Variants in ADIPOR2 observed in about 807,000 individuals in gnomAD.
The protein encoded by ADIPOR2 is adiponectin receptor 2, also known as adiponectin receptor protein 2.
ADIPOR2 carries 18 observed loss-of-function variants against 40.9 expected under a neutral mutation model. That is an observed-to-expected ratio of 0.44 (90% confidence interval 0.30 to 0.65). ADIPOR2 has a LOEUF of 0.65. Among genes scored for constraint, ADIPOR2 ranks in the 30% least tolerant of loss-of-function variants. The pLI, the probability that ADIPOR2 is intolerant of heterozygous loss-of-function variation, is 0.09. For synonymous variants in ADIPOR2, 165 were observed against 166.4 expected, an observed-to-expected ratio of 0.99 and a Z score of 0.06; for missense variants, 283 against 479.2, an observed-to-expected ratio of 0.59 and a Z score of 3.82.
chr12:1,743,314 A>G (rs1426116123), intron 1 of ADIPOR2, among the ~76,000 whole-genome samples: 1 of 149,534 alleles, frequency 6.7e-6, no homozygotes, highest in Non-Finnish European at 1.5e-5. Context: ...GCTGTCTAAA[A>G]AAAAAAAAAA....
In ADIPOR2 at chr12:1,785,908, T is replaced by A. The variant is rs1862821011; in HGVS notation, c.1033-36T>A. On this transcript the variant is annotated intron_variant, in intron 7 of 7. Transcript: ENST00000357103. ...TTTAGCAGTCTTAATAATGTATGGGTTTCTCTACCCCCTTCTCTTCTTTTT... is the reference window on the plus strand; with the variant it reads ...TTTAGCAGTCTTAATAATGTATGGGATTCTCTACCCCCTTCTCTTCTTTTT... 1.9e-6 allele frequency: 3 copies of A among 1,610,838 alleles called. No individual in the cohort carries two copies. The African/African-American group carries it at 4.0e-5, about 22-fold the overall frequency.
chr12:1,752,892 A>C (rs1862030845), intron 1 of ADIPOR2, among the ~76,000 whole-genome samples: 1 of 152,230 alleles, frequency 6.6e-6, no homozygotes, highest in Non-Finnish European at 1.5e-5. Context: ...GGGCATTAAT[A>C]ACATAATTTA....
intron 1 of ADIPOR2, among the ~76,000 whole-genome samples, chr12:1,720,990 GC>G (rs2094696756): frequency 2.6e-5 from 4 of 152,064 alleles, no homozygotes; most frequent in Non-Finnish European, 5.9e-5. Flanking sequence ...TAACCTGGAA[GC>G]TCCCTCCCTG....
intron 1 of ADIPOR2, among the ~76,000 whole-genome samples, chr12:1,712,848 C>T (rs2094680347): frequency 6.6e-6 from 1 of 152,074 alleles, no homozygotes; most frequent in South Asian, 2.1e-4. Context: ...TGCTGAGGGC[C>T]CTGGTTCCTC....
At chr12:1,754,627 T>C in intron 2 of ADIPOR2, 113 bp downstream of exon 2, 1 of 1,065,378 alleles carries the variant, frequency 9.4e-7, no homozygotes, top group Non-Finnish European at 1.3e-6. Context: ...GATGGGGTGG[T>C]AAGAAGGAAA....
intron 2 of ADIPOR2, among the ~76,000 whole-genome samples, chr12:1,765,734 C>A (rs1862363375): frequency 1.3e-5 from 2 of 151,708 alleles, no homozygotes; most frequent in African/African-American, 4.8e-5. Flanking sequence ...CTTTTTTTTC[C>A]CCCTTTTTTC....
At chr12:1,704,625 C>T (rs535347531) in intron 1 of ADIPOR2, among the ~76,000 whole-genome samples, 17 of 152,256 alleles carry the variant, frequency 1.1e-4, no homozygotes, top group African/African-American at 4.1e-4. Context: ...CATATACTAA[C>T]GTTTGAGACT....
intron 1 of ADIPOR2, among the ~76,000 whole-genome samples, chr12:1,735,227 G>A (rs2154442700): frequency 6.6e-6 from 1 of 152,330 alleles, no homozygotes; most frequent in African/African-American, 2.4e-5. Context: ...CTACCCATGA[G>A]CATGGAATGT....
chr12:1,731,477 C>T (rs777076146), intron 1 of ADIPOR2, among the ~76,000 whole-genome samples: 7 of 152,164 alleles, frequency 4.6e-5, no homozygotes, highest in Non-Finnish European at 8.8e-5. Context: ...TGATCCCAAT[C>T]AGAAACTATG....
chr12:1,726,945 G>A (rs190888089), intron 1 of ADIPOR2, among the ~76,000 whole-genome samples: 25 of 152,186 alleles, frequency 1.6e-4, no homozygotes, highest in East Asian at 3.9e-4. Flanking sequence ...ACCCTGAGTC[G>A]TCATCTTTCT....
chr12:1,736,715 T>G (rs959583666), intron 1 of ADIPOR2, among the ~76,000 whole-genome samples: 8 of 152,250 alleles, frequency 5.3e-5, no homozygotes, highest in Non-Finnish European at 1.2e-4. Context: ...AGGGTGTCGA[T>G]TTTAGATCTT....
intron 1 of ADIPOR2, among the ~76,000 whole-genome samples, chr12:1,708,123 G>A (rs1317892974): frequency 6.7e-6 from 1 of 149,790 alleles, no homozygotes; most frequent in African/African-American, 2.4e-5. Context: ...AATCATATTA[G>A]GTATTATAAA....
chr12:1,754,485 G>C lies in ADIPOR2; in HGVS notation c.142G>C (p.Ala48Pro), dbSNP rs761512602. ...AGGAGATTTGGAGCCCATTTTAGAG[G>C]CATCTGTTCTATCTTCCCATCATAA... ...HQGDLEPILEASVLSSHHKKS... is the reference protein window; with the variant it reads ...HQGDLEPILEPSVLSSHHKKS... The change falls in exon 2 of 8, where the codon GCA (alanine) becomes CCA (proline). Residue 48 changes from alanine (A) to proline (P), a missense_variant. Around this residue, in one of 3 missense-constraint regions of ADIPOR2, gnomAD observed 65 missense variants for 79.9 expected, o/e 0.81. Transcript: ENST00000357103. The C allele has an allele frequency of 3.7e-6, 6 of 1,611,732 alleles. No individual in the cohort carries two copies. The highest frequency in any genetic ancestry group is 5.1e-6 in the Non-Finnish European group (6 of 1,179,048).
chr12:1,691,461 C>T (rs2094626780), intron 1 of ADIPOR2, among the ~76,000 whole-genome samples: 1 of 152,196 alleles, frequency 6.6e-6, no homozygotes, highest in African/African-American at 2.4e-5. Context: ...GCCCGCTGTT[C>T]CCCTCGCCTC....
intron 3 of ADIPOR2, among the ~76,000 whole-genome samples, chr12:1,777,288 C>G (rs939032695): frequency 6.6e-6 from 1 of 151,542 alleles, no homozygotes; most frequent in Non-Finnish European, 1.5e-5. Context: ...CAGGTTGAAA[C>G]AAAGTTTGAA....
At chr12:1,711,160 G>C (rs542095709) in intron 1 of ADIPOR2, among the ~76,000 whole-genome samples, 1 of 152,142 alleles carries the variant, frequency 6.6e-6, no homozygotes, top group Admixed American at 6.5e-5. Flanking sequence ...AGGCCTTGGC[G>C]GTTTTGGAGA....
intron 6 of ADIPOR2, among the ~76,000 whole-genome samples, chr12:1,781,980 A>AT (rs922693876): frequency 3.9e-5 from 6 of 152,236 alleles, no homozygotes; most frequent in African/African-American, 1.4e-4. Flanking sequence ...AGCACATGAG[A>AT]TAAGAATGTC....
chr12:1,773,637 G>A (rs1490363793), intron 3 of ADIPOR2, among the ~76,000 whole-genome samples: 1 of 151,776 alleles, frequency 6.6e-6, no homozygotes, highest in African/African-American at 2.4e-5. Flanking sequence ...GCCCTGGCAG[G>A]TAGAATCTAA....
At chr12:1,699,185 A>T (rs1320155636) in intron 1 of ADIPOR2, among the ~76,000 whole-genome samples, 1 of 152,234 alleles carries the variant, frequency 6.6e-6, no homozygotes, top group Non-Finnish European at 1.5e-5. Context: ...CAGTTCCGGT[A>T]TATAGCAGGT....
Sources: allele counts gnomAD v4.1 joint callset (sites outside exome capture counted in the v4.1 genomes callset), GRCh38; gene constraint gnomAD v4.1.1; regional missense constraint gnomAD v4.1.1; transcripts MANE v1.5; gene names NCBI Gene and HGNC (gene_info 2026-07-23, HGNC 2026-07-21).